Variants in STK32B observed in about 807,000 individuals in gnomAD.
STK32B encodes serine/threonine kinase 32B.
A neutral mutation model predicts 52.6 loss-of-function variants in STK32B; 43 were observed. The observed-to-expected ratio is 0.82, with a 90% CI of 0.64 to 1.05. The LOEUF (loss-of-function observed/expected upper bound fraction) is 1.05, where lower values mean the gene tolerates loss of function less well. STK32B is among the 50% of genes least tolerant of loss of function. STK32B has a pLI of 0.00. For missense variants in STK32B, 621 were observed against 534.6 expected (o/e 1.16, Z -1.59); for synonymous variants, 238 against 204.3 (o/e 1.17, Z -1.41).
intron 3 of STK32B, 106 bp from the exon 4 acceptor site, chr4:5,331,114 C>T (rs527638964): frequency 1.7e-4 from 191 of 1,116,338 alleles, no homozygotes; most frequent in Admixed American, 2.9e-4. Context: ...CAACTCAGTG[C>T]CTCTCTCTGA....
At position 5,168,451 on chromosome 4, in the gene STK32B, G is replaced by A; in HGVS notation, c.260+1G>A. On this transcript the variant is annotated splice_donor_variant, in intron 3 of 11. Transcript: ENST00000282908. LOFTEE classifies it high-confidence loss of function. ...AGCACCCCTTCCTGGTCAATCTGTG[G>A]TGAGTGTGGCTCCATCCAGGGCTCC... The A allele has an allele frequency of 6.2e-7, 1 of 1,612,294 alleles. No individual in the cohort carries two copies. Among genetic ancestry groups the A allele is most frequent in the Non-Finnish European group, 8.5e-7 (1 of 1,179,264 alleles).
chr4:5,240,669 A>G (rs1724961885), intron 3 of STK32B, among the ~76,000 whole-genome samples: 1 of 152,168 alleles, frequency 6.6e-6, no homozygotes, highest in African/African-American at 2.4e-5. Context: ...CATGTTGGCC[A>G]GGCTGGTTTT....
chr4:5,456,783 C>T (rs1716561087), intron 7 of STK32B, 24 bp from the exon 8 acceptor site: 1 of 1,543,924 alleles, frequency 6.5e-7, no homozygotes, highest in Admixed American at 1.8e-5. Context: ...CTCTCTGATT[C>T]TGGCTGTTGT....
chr4:5,333,230 A>C (rs1163685833), intron 4 of STK32B, among the ~76,000 whole-genome samples: 1 of 152,122 alleles, frequency 6.6e-6, no homozygotes, highest in Non-Finnish European at 1.5e-5. Flanking sequence ...TTTGATTTGC[A>C]TTTCTCTGAT....
At chr4:5,226,651 C>T (rs1169225091) in intron 3 of STK32B, among the ~76,000 whole-genome samples, 1 of 152,108 alleles carries the variant, frequency 6.6e-6, no homozygotes, top group East Asian at 1.9e-4. Context: ...TCCAAGTAGC[C>T]CTTACTTAAT....
chr4:5,095,317 A>C (rs1011185004), intron 1 of STK32B, among the ~76,000 whole-genome samples: 1 of 152,152 alleles, frequency 6.6e-6, no homozygotes, highest in Non-Finnish European at 1.5e-5. Flanking sequence ...ATTACCTTTT[A>C]AAAATGTAAC....
chr4:5,361,522 C>T (rs1734548239), intron 4 of STK32B, among the ~76,000 whole-genome samples: 1 of 152,176 alleles, frequency 6.6e-6, no homozygotes, highest in Non-Finnish European at 1.5e-5. Flanking sequence ...TAGGTGTGTG[C>T]CATCATGCCC....
At chr4:5,329,944 G>C (rs963481329) in intron 3 of STK32B, among the ~76,000 whole-genome samples, 1 of 152,136 alleles carries the variant, frequency 6.6e-6, no homozygotes, top group African/African-American at 2.4e-5. Context: ...CCTGTCCTGG[G>C]ACCAAATCAT....
At chr4:5,070,735 C>T (rs1180802770) in intron 1 of STK32B, among the ~76,000 whole-genome samples, 8 of 152,156 alleles carry the variant, frequency 5.3e-5, no homozygotes, top group East Asian at 1.9e-4. Context: ...AGAGCAGCAT[C>T]GCTCTCTTTC....
chr4:5,259,992 A>G (rs1415816444), intron 3 of STK32B, among the ~76,000 whole-genome samples: 1 of 151,830 alleles, frequency 6.6e-6, no homozygotes, highest in East Asian at 1.9e-4. Context: ...AGCTAGGGGA[A>G]TCTTCCTGAG....
At chr4:5,335,178 A>T (rs548038172) in intron 4 of STK32B, among the ~76,000 whole-genome samples, 293 of 152,186 alleles carry the variant, frequency 1.9e-3, no homozygotes, top group South Asian at 4.4e-3. Flanking sequence ...CTATTCAGAG[A>T]TTCATCTTCT....
intron 6 of STK32B, among the ~76,000 whole-genome samples, chr4:5,428,215 GGTTAACACA>G (rs1480908900): frequency 6.6e-6 from 1 of 151,926 alleles, no homozygotes; most frequent in Admixed American, 6.6e-5. Context: ...AGATCATCCT[GGTTAACACA>G]GTGAAACCCC....
intron 3 of STK32B, among the ~76,000 whole-genome samples, chr4:5,240,838 A>G (rs1688101155): frequency 6.6e-6 from 1 of 151,894 alleles, no homozygotes; most frequent in South Asian, 2.1e-4. Context: ...TGCAAATTCT[A>G]CCTCTGCCAT....
intron 1 of STK32B, among the ~76,000 whole-genome samples, chr4:5,107,149 C>A (rs534763248): frequency 6.6e-6 from 1 of 151,962 alleles, no homozygotes; most frequent in African/African-American, 2.4e-5. Flanking sequence ...TTCATAGGAG[C>A]GCAAACCTAT....
At chr4:5,490,576 A>C (rs1460256789) in intron 11 of STK32B, among the ~76,000 whole-genome samples, 1 of 151,870 alleles carries the variant, frequency 6.6e-6, no homozygotes, top group Non-Finnish European at 1.5e-5. Flanking sequence ...TAATTTTTTA[A>C]ATTTTTTTAT....
chr4:5,442,498 C>G (rs1159507555), intron 6 of STK32B, among the ~76,000 whole-genome samples: 2 of 150,166 alleles, frequency 1.3e-5, no homozygotes, highest in Non-Finnish European at 3.0e-5. Context: ...CTATGTGTGT[C>G]TCTGCACGTG....
At chr4:5,464,204 C>G (rs1717251907) in intron 9 of STK32B, among the ~76,000 whole-genome samples, 1 of 152,210 alleles carries the variant, frequency 6.6e-6, no homozygotes, top group Non-Finnish European at 1.5e-5. Context: ...GGATCCGTCC[C>G]CATGAACCAA....
intron 2 of STK32B, among the ~76,000 whole-genome samples, chr4:5,151,633 A>G (rs755389152): frequency 5.3e-5 from 8 of 152,220 alleles, no homozygotes; most frequent in Non-Finnish European, 1.2e-4. Context: ...TAACCATTTT[A>G]TGACTAAATT....
At chr4:5,478,492 T>C (rs1718409096) in intron 11 of STK32B, among the ~76,000 whole-genome samples, 1 of 152,214 alleles carries the variant, frequency 6.6e-6, no homozygotes, top group Non-Finnish European at 1.5e-5. Context: ...AGGCTGTTAT[T>C]GAATTACAGA....
Sources: allele counts gnomAD v4.1 joint callset (sites outside exome capture counted in the v4.1 genomes callset), GRCh38; gene constraint gnomAD v4.1.1; transcripts MANE v1.5; gene names NCBI Gene and HGNC (gene_info 2026-07-23, HGNC 2026-07-21).